NSUN6: variants seen among roughly 807,000 people sequenced by gnomAD.
NSUN6 encodes tRNA (cytosine(72)-C(5))-methyltransferase NSUN6.
NSUN6 carries 64 observed loss-of-function variants against 58.0 expected under a neutral mutation model. The observed-to-expected ratio is 1.10, with a 90% CI of 0.90 to 1.36. The LOEUF (loss-of-function observed/expected upper bound fraction) is 1.36. NSUN6 is among the 40% of genes most tolerant of loss of function. The pLI, the probability that NSUN6 is intolerant of heterozygous loss-of-function variation, is 0.00. For synonymous variants in NSUN6, 231 were observed against 193.9 expected (o/e 1.19, Z -1.59); for missense variants, 701 against 550.1 (o/e 1.27, Z -2.74).
At chr10:18,636,167 G>A (rs948267456) in intron 3 of NSUN6, among the ~76,000 whole-genome samples, 6 of 151,876 alleles carry the variant, frequency 4.0e-5, no homozygotes, top group Non-Finnish European at 7.4e-5. Flanking sequence ...AGAAAGTAAC[G>A]CAGTACATAA....
chr10:18,569,633 T>G (rs1024616980), intron 8 of NSUN6, among the ~76,000 whole-genome samples: 4 of 151,672 alleles, frequency 2.6e-5, no homozygotes, highest in Non-Finnish European at 5.9e-5. Flanking sequence ...TTCCATTACA[T>G]TCCATTCTCC....
At chr10:18,559,372 TGGAA>T (rs1255063906) in intron 8 of NSUN6, among the ~76,000 whole-genome samples, 1 of 144,926 alleles carries the variant, frequency 6.9e-6, no homozygotes, top group Non-Finnish European at 1.5e-5. Flanking sequence ...GAGAATGGAA[TGGAA>T]GGGAGAATAT....
upstream of NSUN6, chr10:18,658,774 A>C (rs2059805606): frequency 3.1e-6 from 1 of 322,294 alleles, no homozygotes; most frequent in Non-Finnish European, 4.5e-6. Flanking sequence ...AAGTCGAGGC[A>C]GGAAGATCGC....
intron 3 of NSUN6, among the ~76,000 whole-genome samples, chr10:18,630,888 C>G (rs1343174407): frequency 6.6e-6 from 1 of 151,616 alleles, no homozygotes; most frequent in Non-Finnish European, 1.5e-5. Context: ...AGGGAATCCT[C>G]CCTAACTCAT....
chr10:18,651,616 C>T, upstream of NSUN6: 4 of 986,728 alleles, frequency 4.1e-6, no homozygotes, highest in Non-Finnish European at 4.8e-6. Flanking sequence ...CCCTATTTCT[C>T]GGCGGAAAGT....
At chr10:18,579,937 C>T (rs2056832170) in intron 8 of NSUN6, among the ~76,000 whole-genome samples, 1 of 152,140 alleles carries the variant, frequency 6.6e-6, no homozygotes. Context: ...TTTGCCCTAA[C>T]CCGTTCCCAG....
At chr10:18,562,940 T>G (rs569014174) in intron 8 of NSUN6, among the ~76,000 whole-genome samples, 2 of 147,612 alleles carry the variant, frequency 1.4e-5, no homozygotes, top group African/African-American at 5.0e-5. Context: ...TGGAATGGAA[T>G]GGAGAATGGA....
chr10:18,577,795 T>C (rs1589932145), intron 8 of NSUN6, among the ~76,000 whole-genome samples: 1 of 152,200 alleles, frequency 6.6e-6, no homozygotes, highest in Admixed American at 6.5e-5. Flanking sequence ...GATTACCTGC[T>C]CCTCCCTGAC....
At chr10:18,604,619 C>T (rs1007414336) in intron 6 of NSUN6, among the ~76,000 whole-genome samples, 2 of 152,060 alleles carry the variant, frequency 1.3e-5, no homozygotes, top group African/African-American at 4.8e-5. Flanking sequence ...CATGGTGGCT[C>T]ACACCTGTAA....
rs889574455 is a variant in NSUN6, at chr10:18,597,995, A to T, written c.658-1668T>A. 1.6e-4 allele frequency among the ~76,000 whole-genome samples: 24 copies of T among 152,200 alleles called. 1 individual carries two copies. The highest frequency in any genetic ancestry group is 1.6e-3 in the Admixed American group (24 of 15,272). On this transcript the variant is annotated intron_variant, in intron 6 of 10. Coordinates refer to ENST00000377304, the MANE Select transcript of NSUN6 (RefSeq NM_182543.5). ...GGCCTCTGAGCCCAAGCTAAGCCAT[A>T]ATATCCCCTGTGACCCGAATGTATA...
intron 3 of NSUN6, among the ~76,000 whole-genome samples, chr10:18,618,396 T>C (rs1429150269): frequency 6.6e-6 from 1 of 152,090 alleles, no homozygotes; most frequent in Non-Finnish European, 1.5e-5. Context: ...AAAATATAAA[T>C]GCTGGTCAGG....
intron 3 of NSUN6, among the ~76,000 whole-genome samples, chr10:18,629,013 G>A (rs1466253123): frequency 7.9e-5 from 12 of 152,120 alleles, no homozygotes; most frequent in Admixed American, 1.3e-4. Context: ...AGAAAGGTCG[G>A]GTTACCCACA....
chr10:18,583,593 T>G (rs142360923), intron 8 of NSUN6, among the ~76,000 whole-genome samples: 1 of 152,076 alleles, frequency 6.6e-6, no homozygotes, highest in South Asian at 2.1e-4. Context: ...AATAAAAATA[T>G]GTTCAAAGAA....
At chr10:18,560,158 G>GT (rs2055379999) in intron 8 of NSUN6, among the ~76,000 whole-genome samples, 1 of 149,622 alleles carries the variant, frequency 6.7e-6, no homozygotes, top group Admixed American at 6.7e-5. Context: ...AGAATGGAAT[G>GT]GGGAATGGAA....
rs577522540 is a variant in NSUN6 at position 18,614,598 on chromosome 10, T to A, written c.437A>T (p.Asp146Val). 7.1e-6 allele frequency: 10 copies of A among 1,418,414 alleles called. No individual in the cohort carries two copies. The Admixed American group carries it at 2.5e-4, about 36-fold the overall frequency. 87.9% of individuals were successfully genotyped at this position (1,418,414 alleles called of 1,614,324 possible). Residue 146 changes from aspartate to valine, a missense_variant, in exon 5 of 11, where the codon GAT becomes GTT. Transcript: ENST00000377304. ...AATATCAGAGTATACAGAAATAACA[T>A]CTCCAGCTTTCATAACTAGAGAAAG... The part of the protein sequence containing the change: ...VSASQFMKAG[D>V]VISVYSDIKG...
intron 8 of NSUN6, among the ~76,000 whole-genome samples, chr10:18,583,772 G>GA (rs2057006422): frequency 6.6e-6 from 1 of 152,062 alleles, no homozygotes; most frequent in South Asian, 2.1e-4. Context: ...TAAGCCTATA[G>GA]AAAAAAATGA....
In NSUN6 at chr10:18,640,185, T is replaced by C. The variant is rs374793495; in HGVS notation, c.311+2291A>G. ...AATTGCAGAACATTGTAATCTTTTC[T>C]ATTTTCTAAAAATGAGTACACATGA... On this transcript the variant is annotated intron_variant, in intron 3 of 10. Transcript: ENST00000377304. Among the ~76,000 whole-genome samples the C allele has an allele frequency of 2.0e-5, 3 of 152,350 alleles. No homozygotes were observed. In the East Asian group the frequency reaches 5.8e-4, roughly 29 times the overall value.
upstream of NSUN6, chr10:18,651,604 C>A (rs2059708576): frequency 3.0e-6 from 3 of 987,706 alleles, no homozygotes; most frequent in Non-Finnish European, 3.6e-6. Context: ...CAAACACGCG[C>A]CCCCTATTTC....
At chr10:18,571,370 G>T (rs1433739480) in intron 8 of NSUN6, among the ~76,000 whole-genome samples, 1 of 132,724 alleles carries the variant, frequency 7.5e-6, no homozygotes, top group East Asian at 2.3e-4. Context: ...CTCCATTCCA[G>T]TTCAATCTCC....
Sources: allele counts gnomAD v4.1 joint callset (sites outside exome capture counted in the v4.1 genomes callset), GRCh38; gene constraint gnomAD v4.1.1; transcripts MANE v1.5; gene names NCBI Gene and HGNC (gene_info 2026-07-23, HGNC 2026-07-21).